The following IKZF2 variants were observed in gnomAD, a reference collection of about 807,000 sequenced individuals.
IKZF2 encodes IKAROS family zinc finger 2, also known as zinc finger protein Helios.
A neutral mutation model predicts 49.2 loss-of-function variants in IKZF2; 15 were observed. That is an observed-to-expected ratio of 0.30 (90% CI 0.20 to 0.47). IKZF2 has a LOEUF of 0.47. Ranked by LOEUF, IKZF2 falls within the 20% of genes least tolerant of loss-of-function variation. The pLI, the probability that IKZF2 is intolerant of heterozygous loss-of-function variation, is 1.00. For synonymous variants in IKZF2, 227 were observed against 221.4 expected (o/e 1.03, Z -0.23); for missense variants, 567 against 664.6 (o/e 0.85, Z 1.61).
intron 4 of IKZF2, among the ~76,000 whole-genome samples, chr2:213,095,409 T>C (rs1705855955): frequency 6.6e-6 from 1 of 152,064 alleles, no homozygotes; most frequent in Non-Finnish European, 1.5e-5. Context: ...GTTGACCAAT[T>C]AGATGGGAAT....
intron 1 of IKZF2, chr2:213,150,457 C>CTCCTCCTCCTCCTCCTCCTCCTCG (rs1559338499): frequency 2.8e-5 from 6 of 214,578 alleles, no homozygotes; most frequent in Admixed American, 1.3e-4. Flanking sequence ...GAACACCCCC[C>CTCCTCCTCCTCCTCCTCCTCCTCG]TCCTCCTCCT....
intron 4 of IKZF2, among the ~76,000 whole-genome samples, chr2:213,083,264 T>C (rs1470830352): frequency 1.3e-5 from 2 of 151,930 alleles, no homozygotes; most frequent in East Asian, 3.9e-4. Context: ...AGGAAACTGG[T>C]CACATAGCAG....
At chr2:213,096,476 T>G (rs1156817433) in intron 4 of IKZF2, among the ~76,000 whole-genome samples, 1 of 151,986 alleles carries the variant, frequency 6.6e-6, no homozygotes, top group Non-Finnish European at 1.5e-5. Context: ...AATGTATGGA[T>G]GTATATATAA....
intron 1 of IKZF2, chr2:213,150,455 C>CCCCT (rs139782680): frequency 5.9e-5 from 11 of 186,220 alleles, no homozygotes; most frequent in Non-Finnish European, 1.0e-4. Context: ...AAGAACACCC[C>CCCCT]CCTCCTCCTC....
At chr2:213,138,938 T>A (rs536054318) in intron 4 of IKZF2, among the ~76,000 whole-genome samples, 20 of 152,104 alleles carry the variant, frequency 1.3e-4, no homozygotes, top group African/African-American at 4.8e-4. Context: ...TCCATCTTCA[T>A]CTAAAATAGA....
At chr2:213,148,063 T>C (rs2061142836) in intron 3 of IKZF2, among the ~76,000 whole-genome samples, 1 of 152,238 alleles carries the variant, frequency 6.6e-6, no homozygotes. Context: ...TGTTGATTTC[T>C]AAAGTATCTT....
At chr2:213,089,609 T>C (rs567196410) in intron 4 of IKZF2, among the ~76,000 whole-genome samples, 2 of 152,240 alleles carry the variant, frequency 1.3e-5, no homozygotes, top group South Asian at 2.1e-4. Context: ...GCTTTTGTAA[T>C]AGAACATTTT....
In IKZF2 at chr2:213,004,682, A is replaced by G. The variant is rs923214002; in HGVS notation, c.*2678T>C. ...AAGGCATGCACATATAACCATCCAG[A>G]GTTTCTCCAAAAACACTACGTCCAC... On this transcript the variant is annotated 3_prime_UTR_variant, in exon 9 of 9. Coordinates refer to ENST00000434687, the MANE Select transcript of IKZF2 (RefSeq NM_001387220.1). 6.6e-6 allele frequency: 1 copy of G among 151,980 alleles called. No homozygotes were observed. Among genetic ancestry groups the G allele is most frequent in the African/African-American group, 2.4e-5 (1 of 41,406 alleles). 9.4% of individuals were successfully genotyped at this position (151,980 alleles called of 1,614,324 possible).
intron 4 of IKZF2, among the ~76,000 whole-genome samples, chr2:213,129,474 T>C (rs558764391): frequency 1.3e-5 from 2 of 151,302 alleles, no homozygotes; most frequent in Non-Finnish European, 2.9e-5. Context: ...GAACTTGCCA[T>C]GTCCCGGAAA....
At chr2:213,083,030 C>G (rs1009191143) in intron 4 of IKZF2, among the ~76,000 whole-genome samples, 1 of 151,942 alleles carries the variant, frequency 6.6e-6, no homozygotes, top group East Asian at 1.9e-4. Flanking sequence ...TAATTTTATA[C>G]CTCTGAGACA....
chr2:213,039,815 T>C (rs986439635), intron 6 of IKZF2, among the ~76,000 whole-genome samples: 5 of 152,114 alleles, frequency 3.3e-5, no homozygotes, highest in African/African-American at 4.8e-5. Context: ...ATTGAAAATA[T>C]GAAATAATTA....
At chr2:213,146,956 C>G (rs1323397989) in intron 4 of IKZF2, among the ~76,000 whole-genome samples, 1 of 151,958 alleles carries the variant, frequency 6.6e-6, no homozygotes, top group Non-Finnish European at 1.5e-5. Flanking sequence ...CACTTGATAA[C>G]TAAACTGATA....
At chr2:213,119,104 T>G (rs544845872) in intron 4 of IKZF2, among the ~76,000 whole-genome samples, 1 of 152,210 alleles carries the variant, frequency 6.6e-6, no homozygotes, top group East Asian at 1.9e-4. Flanking sequence ...AAAGAAAGAT[T>G]GTGAAGACAC....
At chr2:213,129,063 CTT>C (rs1033571441) in intron 4 of IKZF2, among the ~76,000 whole-genome samples, 59 of 151,450 alleles carry the variant, frequency 3.9e-4, no homozygotes, top group African/African-American at 1.2e-3. Flanking sequence ...GTGTAAAACA[CTT>C]TGTTTGCTTT....
At chr2:213,150,627 T>A (rs1294372033) in intron 1 of IKZF2, among the ~76,000 whole-genome samples, 1 of 135,908 alleles carries the variant, frequency 7.4e-6, no homozygotes, top group East Asian at 2.3e-4. Flanking sequence ...AGCAATGCGA[T>A]TAACAAGAGA....
intron 5 of IKZF2, among the ~76,000 whole-genome samples, chr2:213,051,182 G>T (rs1251121388): frequency 6.6e-6 from 1 of 151,914 alleles, no homozygotes; most frequent in East Asian, 1.9e-4. Flanking sequence ...AAGCTAAGAG[G>T]TATAAATAAG....
chr2:213,033,418 T>A (rs1698680109), intron 6 of IKZF2, among the ~76,000 whole-genome samples: 1 of 152,226 alleles, frequency 6.6e-6, no homozygotes, highest in Admixed American at 6.5e-5. Context: ...TTTGCCCACA[T>A]CCATCATAGA....
chr2:213,090,285 G>A (rs1391930109), intron 4 of IKZF2, among the ~76,000 whole-genome samples: 1 of 152,170 alleles, frequency 6.6e-6, no homozygotes, highest in Non-Finnish European at 1.5e-5. Flanking sequence ...TAGAGAGTCA[G>A]AACTATCTCA....
At chr2:213,116,459 G>A (rs543470030) in intron 4 of IKZF2, among the ~76,000 whole-genome samples, 29 of 152,174 alleles carry the variant, frequency 1.9e-4, no homozygotes, top group Non-Finnish European at 2.9e-4. Flanking sequence ...CAGGCTGGGG[G>A]CACAGTGGCT....
Sources: gnomAD v4.1 joint callset for allele counts (sites outside exome capture counted in the v4.1 genomes callset) on GRCh38, gnomAD v4.1.1 for gene constraint, MANE v1.5 for transcripts, NCBI Gene and HGNC (gene_info 2026-07-23, HGNC 2026-07-21) for gene names.